The following LHPP variants were observed in gnomAD, a reference collection of about 807,000 sequenced individuals.
LHPP encodes the protein phospholysine phosphohistidine inorganic pyrophosphate phosphatase.
In LHPP, 24 loss-of-function variants were observed where a neutral mutation model predicts 30.3. The observed-to-expected ratio is 0.79, with a 90% CI of 0.57 to 1.11. The LOEUF is 1.11. LHPP is among the 50% of genes most tolerant of loss of function. The probability of loss-of-function intolerance (pLI) is 0.00; values close to 1 mark genes in which losing one functional copy is unlikely to be tolerated. For synonymous variants in LHPP, 150 were observed against 157.1 expected (o/e 0.95, Z 0.34); for missense variants, 356 against 367.2 (o/e 0.97, Z 0.25).
At chr10:124,494,696 G>C (rs900530177) in intron 3 of LHPP, among the ~76,000 whole-genome samples, 1 of 152,138 alleles carries the variant, frequency 6.6e-6, no homozygotes, top group African/African-American at 2.4e-5. Flanking sequence ...CTTCCTTTTA[G>C]CTCAGGTCTC....
At chr10:124,535,975 G>A (rs558236010) in intron 6 of LHPP, among the ~76,000 whole-genome samples, 6 of 152,358 alleles carry the variant, frequency 3.9e-5, no homozygotes, top group African/African-American at 1.2e-4. Flanking sequence ...CATCTCTTCC[G>A]GGGTCCCAGG....
intron 6 of LHPP, among the ~76,000 whole-genome samples, chr10:124,604,880 A>C (rs1589713791): frequency 6.6e-6 from 1 of 152,046 alleles, no homozygotes; most frequent in South Asian, 2.1e-4. Flanking sequence ...TCTCTGCCCC[A>C]CCCTGCCCCT....
intron 6 of LHPP, among the ~76,000 whole-genome samples, chr10:124,578,835 CTG>C (rs1948706057): frequency 6.6e-6 from 1 of 152,348 alleles, no homozygotes; most frequent in South Asian, 2.1e-4. Flanking sequence ...TTTGTCCTGA[CTG>C]TGGAAAAAAG....
chr10:124,520,243 T>A (rs1021809703), intron 6 of LHPP, among the ~76,000 whole-genome samples: 8 of 151,748 alleles, frequency 5.3e-5, no homozygotes, highest in African/African-American at 1.9e-4. Context: ...CACTCAGATA[T>A]TAAACCTAGT....
intron 6 of LHPP, among the ~76,000 whole-genome samples, chr10:124,564,644 C>T (rs1018961730): frequency 6.6e-6 from 1 of 152,126 alleles, no homozygotes; most frequent in Non-Finnish European, 1.5e-5. Context: ...CATGAGTATT[C>T]GGAGCATAAG....
At chr10:124,483,851 G>C (rs1017717524) in intron 1 of LHPP, among the ~76,000 whole-genome samples, 3 of 151,904 alleles carry the variant, frequency 2.0e-5, no homozygotes, top group African/African-American at 7.3e-5. Context: ...GCAATGAAAA[G>C]GGGGGTCAGG....
At chr10:124,536,799 A>C (rs1268919126) in intron 6 of LHPP, among the ~76,000 whole-genome samples, 1 of 152,182 alleles carries the variant, frequency 6.6e-6, no homozygotes, top group African/African-American at 2.4e-5. Flanking sequence ...CTCCAAGCCT[A>C]GGGAACCAGA....
At chr10:124,526,511 C>G (rs1328745301) in intron 6 of LHPP, among the ~76,000 whole-genome samples, 1 of 152,222 alleles carries the variant, frequency 6.6e-6, no homozygotes, top group Non-Finnish European at 1.5e-5. Flanking sequence ...AGCCACCCCC[C>G]AATTAGCCAA....
At chr10:124,514,124 G>A (rs981039263) in intron 5 of LHPP, among the ~76,000 whole-genome samples, 4 of 152,162 alleles carry the variant, frequency 2.6e-5, no homozygotes, top group Admixed American at 6.5e-5. Context: ...ACTATGACAC[G>A]GGTGGCACCA....
chr10:124,571,433 T>C (rs1948583139), intron 6 of LHPP, among the ~76,000 whole-genome samples: 1 of 152,204 alleles, frequency 6.6e-6, no homozygotes. Flanking sequence ...AGTAAATTTA[T>C]TCACTTCCGT....
chr10:124,613,005 A>G (rs1949221525), intron 6 of LHPP: 4 of 544,420 alleles, frequency 7.3e-6, no homozygotes, highest in African/African-American at 1.9e-5. Flanking sequence ...TCACTCCACC[A>G]CAAGGCTGAG....
chr10:124,484,006 C>T (rs570723069), intron 1 of LHPP, 133 bp from the exon 2 acceptor site: 13 of 758,348 alleles, frequency 1.7e-5, no homozygotes, highest in Admixed American at 8.3e-5. Flanking sequence ...AGCCAGGACC[C>T]CCTCAGGGGC....
intron 6 of LHPP, among the ~76,000 whole-genome samples, chr10:124,534,178 A>G (rs1954963504): frequency 6.6e-6 from 1 of 152,190 alleles, no homozygotes. Context: ...TGCATGGGCC[A>G]CCCACAATTG....
At chr10:124,526,369 C>T (rs975502210) in intron 6 of LHPP, 1 of 315,850 alleles carries the variant, frequency 3.2e-6, no homozygotes, top group Non-Finnish European at 4.6e-6. Flanking sequence ...TTACCCCTAC[C>T]ATTTAGATTT....
intron 6 of LHPP, among the ~76,000 whole-genome samples, chr10:124,563,981 C>G (rs907642725): frequency 2.6e-5 from 4 of 152,104 alleles, no homozygotes; most frequent in African/African-American, 7.2e-5. Context: ...ATGGAATGCT[C>G]TGTCACCCAG....
chr10:124,532,478 C>T (rs1358146645), intron 6 of LHPP, among the ~76,000 whole-genome samples: 1 of 152,248 alleles, frequency 6.6e-6, no homozygotes, highest in Non-Finnish European at 1.5e-5. Context: ...GGTTCCTTCT[C>T]ACCTCATGCC....
rs558985762 is a variant in LHPP, at chr10:124,520,340, A to G, written c.716+3069A>G. ...AGTGTGTGTGTTATCCTGTGTATCC[A>G]TGTGTTCAGATGCTGTAGGAAAGGA... On this transcript the variant is annotated intron_variant, in intron 6 of 6. Transcript: ENST00000368842. 2.0e-5 allele frequency among the ~76,000 whole-genome samples: 3 copies of G among 152,090 alleles called. No homozygotes were observed. In the East Asian group the frequency reaches 5.8e-4, roughly 29 times the overall value.
At chr10:124,462,767 G>C (rs981180231) in intron 1 of LHPP, among the ~76,000 whole-genome samples, 1 of 151,976 alleles carries the variant, frequency 6.6e-6, no homozygotes, top group East Asian at 1.9e-4. Flanking sequence ...GCACGATCTC[G>C]GCTCACTGCA....
intron 6 of LHPP, among the ~76,000 whole-genome samples, chr10:124,547,822 C>T (rs913041925): frequency 2.0e-5 from 3 of 152,376 alleles, no homozygotes; most frequent in African/African-American, 7.2e-5. Context: ...GCTGAGTGGT[C>T]AGTGTCGGTT....
Sources: gnomAD v4.1 joint callset for allele counts (sites outside exome capture counted in the v4.1 genomes callset) on GRCh38, gnomAD v4.1.1 for gene constraint, MANE v1.5 for transcripts, NCBI Gene and HGNC (gene_info 2026-07-23, HGNC 2026-07-21) for gene names.